Variants in LRRC4C observed in about 807,000 individuals in gnomAD.
LRRC4C encodes leucine rich repeat containing 4C, also known as leucine-rich repeat-containing protein 4C.
A neutral mutation model predicts 33.6 loss-of-function variants in LRRC4C; 5 were observed. The ratio of observed to expected loss-of-function variants is 0.15; its 90% CI spans 0.08 to 0.31. The LOEUF is 0.31. LRRC4C is among the 10% of genes least tolerant of loss of function. The pLI, the probability that LRRC4C is intolerant of heterozygous loss-of-function variation, is 1.00. For missense variants in LRRC4C, 560 were observed against 796.7 expected (o/e 0.70, Z 3.58); for synonymous variants, 329 against 302.0 (o/e 1.09, Z -0.93).
At chr11:40,391,851 C>G (rs182930509) in intron 3 of LRRC4C, among the ~76,000 whole-genome samples, 1 of 152,132 alleles carries the variant, frequency 6.6e-6, no homozygotes, top group African/African-American at 2.4e-5. Context: ...TGCGAATGTT[C>G]CTAGCAGCTT....
intron 6 of LRRC4C, among the ~76,000 whole-genome samples, chr11:40,140,223 T>A (rs961379786): frequency 6.6e-6 from 1 of 152,200 alleles, no homozygotes; most frequent in Admixed American, 6.5e-5. Context: ...CAATAAATCA[T>A]AGAGCAAAGA....
chr11:40,723,515 G>C lies in LRRC4C; in HGVS notation c.-406-75237C>G, dbSNP rs377595846. 3.9e-5 allele frequency among the ~76,000 whole-genome samples: 6 copies of C among 152,246 alleles called. 1 individual carries two copies. The East Asian group carries it at 9.7e-4, about 24-fold the overall frequency. On this transcript the variant is annotated intron_variant, in intron 2 of 6. Coordinates refer to ENST00000528697, the MANE Select transcript of LRRC4C (RefSeq NM_001258419.2). ...TTTTATATCCTGACAAACGAAGCTT[G>C]ATAAGCAAAGGAGAAATAAAATCTT... is the stretch of plus-strand genomic sequence containing the variant.
chr11:41,366,755 GAT>G (rs1010333683), intron 1 of LRRC4C, among the ~76,000 whole-genome samples: 1 of 152,116 alleles, frequency 6.6e-6, no homozygotes, highest in African/African-American at 2.4e-5. Flanking sequence ...ATTAGGGACA[GAT>G]ATACACAGAG....
At chr11:40,823,857 C>T (rs114473818) in intron 2 of LRRC4C, among the ~76,000 whole-genome samples, 94 of 150,498 alleles carry the variant, frequency 6.2e-4, no homozygotes, top group African/African-American at 2.2e-3. Flanking sequence ...TAAAAATGTA[C>T]TTACGCAAAG....
intron 1 of LRRC4C, among the ~76,000 whole-genome samples, chr11:41,008,737 T>C (rs1411225105): frequency 6.6e-6 from 1 of 152,094 alleles, no homozygotes; most frequent in African/African-American, 2.4e-5. Context: ...GTATTTAGGA[T>C]TTGGAGTCTA....
intron 2 of LRRC4C, among the ~76,000 whole-genome samples, chr11:40,861,212 A>G (rs1429975856): frequency 6.6e-6 from 1 of 152,184 alleles, no homozygotes; most frequent in Non-Finnish European, 1.5e-5. Context: ...AGGAAATGCT[A>G]AGGCATCTTA....
At chr11:40,262,530 C>A (rs2136272420) in intron 4 of LRRC4C, among the ~76,000 whole-genome samples, 1 of 152,198 alleles carries the variant, frequency 6.6e-6, no homozygotes, top group Non-Finnish European at 1.5e-5. Context: ...GCCACGTGCC[C>A]ACGTATGTTT....
chr11:40,830,514 C>G (rs901300841), intron 2 of LRRC4C, among the ~76,000 whole-genome samples: 1 of 151,958 alleles, frequency 6.6e-6, no homozygotes, highest in African/African-American at 2.4e-5. Flanking sequence ...TGGTAGCCCT[C>G]CATTTCTGTA....
chr11:41,342,467 C>A (rs1951671777), intron 1 of LRRC4C, among the ~76,000 whole-genome samples: 1 of 152,146 alleles, frequency 6.6e-6, no homozygotes, highest in Non-Finnish European at 1.5e-5. Flanking sequence ...ATAATCATAG[C>A]ATTTTGGGAG....
At chr11:40,356,371 G>A (rs1947671042) in intron 3 of LRRC4C, among the ~76,000 whole-genome samples, 2 of 152,172 alleles carry the variant, frequency 1.3e-5, no homozygotes, top group African/African-American at 4.8e-5. Context: ...GACATAGTAT[G>A]CATTCTATTA....
intron 3 of LRRC4C, among the ~76,000 whole-genome samples, chr11:40,509,533 TGAGA>T (rs1367694816): frequency 1.3e-5 from 2 of 152,144 alleles, no homozygotes; most frequent in South Asian, 2.1e-4. Flanking sequence ...AAATGACCAA[TGAGA>T]GAAAGTCTAT....
At chr11:41,259,020 G>T (rs889604167) in intron 1 of LRRC4C, among the ~76,000 whole-genome samples, 8 of 152,038 alleles carry the variant, frequency 5.3e-5, no homozygotes, top group Non-Finnish European at 1.2e-4. Flanking sequence ...GGATGCTAAA[G>T]AAATTTGCTT....
At chr11:40,161,528 C>T in intron 5 of LRRC4C, among the ~76,000 whole-genome samples, 1 of 152,146 alleles carries the variant, frequency 6.6e-6, no homozygotes, top group Admixed American at 6.5e-5. Context: ...CCGAGGCGGG[C>T]AGACTGCCTG....
At chr11:40,266,714 C>T (rs1401491322) in intron 4 of LRRC4C, among the ~76,000 whole-genome samples, 1 of 152,128 alleles carries the variant, frequency 6.6e-6, no homozygotes, top group Non-Finnish European at 1.5e-5. Flanking sequence ...TGACAACTCT[C>T]TAAGGCTGGT....
intron 1 of LRRC4C, among the ~76,000 whole-genome samples, chr11:41,423,256 A>T (rs1506709): frequency 0.91 from 137,590 of 151,938 alleles, 62,411 homozygotes; most frequent in East Asian, 1. Flanking sequence ...GCATATGAGA[A>T]ATGGAGTGGG....
At chr11:41,117,963 G>A (rs370889184) in intron 1 of LRRC4C, among the ~76,000 whole-genome samples, 1 of 152,126 alleles carries the variant, frequency 6.6e-6, no homozygotes. Context: ...TGTGGTAAAG[G>A]TGAACATTTA....
chr11:40,985,959 T>C (rs1324556962), intron 1 of LRRC4C, among the ~76,000 whole-genome samples: 1 of 151,902 alleles, frequency 6.6e-6, no homozygotes, highest in African/African-American at 2.4e-5. Flanking sequence ...ATCAACTACA[T>C]ATATAATTTT....
chr11:40,130,044 TATTTAAG>T (rs1856539351), intron 6 of LRRC4C, among the ~76,000 whole-genome samples: 1 of 152,236 alleles, frequency 6.6e-6, no homozygotes, highest in African/African-American at 2.4e-5. Context: ...TGATATTAAT[TATTTAAG>T]AAAATGTAAA....
Position 40,752,253 on chromosome 11 carries a change from G to A in LRRC4C, c.-406-103975C>T, listed in dbSNP as rs558360986. Among the ~76,000 whole-genome samples, 13 of 151,728 alleles carry A rather than the reference G, an allele frequency of 8.6e-5. No homozygotes were observed. In the East Asian group the frequency reaches 1.2e-3, roughly 14 times the overall value. ...CGACTGACACAAAAATAGACAAATG[G>A]GATTCTGTTAAAAAGATTCTACACA... On this transcript the variant is annotated intron_variant, in intron 2 of 6. Transcript: ENST00000528697.
Sources: gnomAD v4.1 joint callset for allele counts (sites outside exome capture counted in the v4.1 genomes callset) on GRCh38, gnomAD v4.1.1 for gene constraint, MANE v1.5 for transcripts, NCBI Gene and HGNC (gene_info 2026-07-23, HGNC 2026-07-21) for gene names.